Variants in GPATCH8 observed in about 807,000 individuals in gnomAD.
GPATCH8 encodes G-patch domain containing 8, also known as G patch domain-containing protein 8.
In GPATCH8, 18 loss-of-function variants were observed where a neutral mutation model predicts 118.3. The ratio of observed to expected loss-of-function variants is 0.15; its 90% CI spans 0.11 to 0.23. GPATCH8 has a LOEUF of 0.23. Among genes scored for constraint, GPATCH8 ranks in the 10% least tolerant of loss-of-function variants. The pLI is 1.00. For missense variants in GPATCH8, 1,631 were observed against 1,873.8 expected (o/e 0.87, Z 2.39); for synonymous variants, 659 against 684.7 (o/e 0.96, Z 0.59).
intron 3 of GPATCH8, among the ~76,000 whole-genome samples, chr17:44,446,871 G>T (rs532362954): frequency 5.9e-4 from 89 of 151,656 alleles, no homozygotes; most frequent in African/African-American, 2.2e-3. Context: ...GTCTCACTCT[G>T]TCACCCAGGC....
At chr17:44,481,131 G>A (rs1397778173) in intron 1 of GPATCH8, among the ~76,000 whole-genome samples, 1 of 152,140 alleles carries the variant, frequency 6.6e-6, no homozygotes. Flanking sequence ...GACTGGTCTC[G>A]AACTCTTGGG....
chr17:44,422,258 T>C (rs1382171793), intron 6 of GPATCH8, among the ~76,000 whole-genome samples: 1 of 152,174 alleles, frequency 6.6e-6, no homozygotes, highest in Non-Finnish European at 1.5e-5. Flanking sequence ...CATGGCTCAC[T>C]GCAACCTCAA....
intron 3 of GPATCH8, among the ~76,000 whole-genome samples, chr17:44,462,171 G>T (rs952067272): frequency 6.6e-5 from 10 of 152,052 alleles, no homozygotes; most frequent in Non-Finnish European, 1.2e-4. Context: ...AAAATTCTGG[G>T]ATTCAAACAG....
chr17:44,426,848 A>ACTCTCTCT (rs71361571), intron 5 of GPATCH8, among the ~76,000 whole-genome samples: 5 of 35,468 alleles, frequency 1.4e-4, no homozygotes, highest in East Asian at 7.1e-4. Context: ...ACACACACAC[A>ACTCTCTCT]CTCTCTCTCT....
intron 3 of GPATCH8, among the ~76,000 whole-genome samples, chr17:44,461,218 G>GT (rs1007655204): frequency 3.3e-5 from 5 of 152,172 alleles, no homozygotes; most frequent in Admixed American, 1.3e-4. Context: ...GTCTTGCTCT[G>GT]TCACCCAGGC....
intron 5 of GPATCH8, among the ~76,000 whole-genome samples, chr17:44,426,747 T>A (rs1181666889): frequency 6.6e-6 from 1 of 152,052 alleles, no homozygotes; most frequent in Non-Finnish European, 1.5e-5. Context: ...GTAGTAAAGT[T>A]ATTGAATCTT....
chr17:44,416,710 T>C (rs2049699604), intron 6 of GPATCH8, among the ~76,000 whole-genome samples: 1 of 152,190 alleles, frequency 6.6e-6, no homozygotes. Flanking sequence ...TAAGAATAAG[T>C]AATCCTGTCA....
chr17:44,425,368 CTACT>C (rs1314484034), intron 5 of GPATCH8, among the ~76,000 whole-genome samples: 3 of 152,180 alleles, frequency 2.0e-5, no homozygotes, highest in African/African-American at 7.2e-5. Flanking sequence ...CCCATAAGAG[CTACT>C]TAATCAGTAA....
chr17:44,400,326 G>A lies in GPATCH8; in HGVS notation c.1751C>T (p.Ala584Val). The A allele has an allele frequency of 6.2e-7, 1 of 1,613,998 alleles. No individual in the cohort carries two copies. The highest frequency in any genetic ancestry group is 8.5e-7 in the Non-Finnish European group (1 of 1,179,896). ...FDFKLSRNKD[A>V]RTKGTEKPKD... ...TGGTTTTTCTGTTCCTTTAGTTCTG[G>A]CATCTTTGTTCCTTGAAAGTTTAAA... Residue 584 changes from alanine (A) to valine (V), a missense_variant, in exon 8 of 8, where the codon GCC (alanine) becomes GTC (valine). Physicochemically the swap from Ala to Val is moderately conservative, Grantham distance 64. Around this residue, in one of 8 missense-constraint regions of GPATCH8, gnomAD observed 405 missense variants for 462.7 expected, o/e 0.88. Transcript: ENST00000591680.
intron 2 of GPATCH8, among the ~76,000 whole-genome samples, chr17:44,469,186 C>T (rs139712350): frequency 3.9e-4 from 60 of 152,192 alleles, no homozygotes; most frequent in African/African-American, 1.3e-3. Context: ...AATTTTTAAG[C>T]GGGAAGATCT....
intron 3 of GPATCH8, among the ~76,000 whole-genome samples, chr17:44,453,116 G>A (rs1228248634): frequency 6.6e-6 from 1 of 152,162 alleles, no homozygotes; most frequent in Non-Finnish European, 1.5e-5. Context: ...ACAGGCGTGA[G>A]CCACCACACC....
chr17:44,471,376 T>C (rs1174618895), intron 2 of GPATCH8, among the ~76,000 whole-genome samples: 1 of 152,204 alleles, frequency 6.6e-6, no homozygotes, highest in African/African-American at 2.4e-5. Context: ...GCATCAAATT[T>C]AGCCTACTAC....
chr17:44,411,970 T>C lies in GPATCH8; in HGVS notation c.493-5919A>G, dbSNP rs1374199698. 2.0e-5 allele frequency among the ~76,000 whole-genome samples: 3 copies of C among 152,174 alleles called. No homozygotes were observed. The South Asian group carries it at 6.2e-4, about 32-fold the overall frequency. ...GGAGTTTCACTCTTGTTGCCCAGGC[T>C]GGAGTACAATGGCGCAATCTCAGCT... is the stretch of plus-strand genomic sequence containing the variant. On this transcript the variant is annotated intron_variant, in intron 6 of 7. Coordinates refer to ENST00000591680, the MANE Select transcript of GPATCH8 (RefSeq NM_001002909.4).
chr17:44,440,229 A>T (rs758169889), intron 3 of GPATCH8, among the ~76,000 whole-genome samples: 3 of 152,214 alleles, frequency 2.0e-5, no homozygotes, highest in Non-Finnish European at 4.4e-5. Flanking sequence ...CAGAACACTA[A>T]ATAATCTCCT....
chr17:44,449,877 A>G (rs865919794), intron 3 of GPATCH8, among the ~76,000 whole-genome samples: 13 of 152,228 alleles, frequency 8.5e-5, no homozygotes, highest in South Asian at 2.1e-4. Context: ...TAATAATGGA[A>G]AAAGCACTGG....
intron 3 of GPATCH8, among the ~76,000 whole-genome samples, chr17:44,453,255 T>C (rs2051184305): frequency 6.6e-6 from 1 of 152,144 alleles, no homozygotes. Flanking sequence ...GCATGAGCTT[T>C]GGAGGCAGAA....
rs773697550 is a variant in GPATCH8, at chr17:44,398,676, T to C, written c.3401A>G (p.Lys1134Arg). ...KDPPQGYFGP[K>R]LPPSLGNKPV... ...CTTATTGCCAAGAGATGGGGGGAGC[T>C]TGGGCCCAAAGTAACCTTGTGGGGG... is the stretch of plus-strand genomic sequence containing the variant. Residue 1134 changes from lysine (K) to arginine (R), a missense_variant, in exon 8 of 8, where the codon AAG (lysine) becomes AGG (arginine). By Grantham distance (26) the Lys-to-Arg change is conservative (BLOSUM62 2). Around this residue, in one of 8 missense-constraint regions of GPATCH8, gnomAD observed 922 missense variants for 879.7 expected, o/e 1.05. Transcript: ENST00000591680. The C allele has an allele frequency of 1.9e-5, 30 of 1,573,936 alleles. No homozygotes were observed. Among genetic ancestry groups the C allele is most frequent in the Non-Finnish European group, 2.4e-5 (28 of 1,159,590 alleles).
chr17:44,431,308 A>G (rs992274397), intron 5 of GPATCH8, among the ~76,000 whole-genome samples: 2 of 147,918 alleles, frequency 1.4e-5, no homozygotes, highest in Non-Finnish European at 3.0e-5. Context: ...CAGGAGGCAA[A>G]GGTTGCAGTG....
In GPATCH8 at chr17:44,437,960, CA is replaced by C. The variant is rs1297887480; in HGVS notation, c.194-1416del. ...TCTCATGTCAGAAAAAAAAAAAAAA[CA>C]AAACAACAACTTCTAGAATACAGCC... is the stretch of plus-strand genomic sequence containing the variant. On this transcript the variant is annotated intron_variant, in intron 3 of 7. Coordinates refer to ENST00000591680, the MANE Select transcript of GPATCH8 (RefSeq NM_001002909.4). 8.1e-5 allele frequency among the ~76,000 whole-genome samples: 4 copies of C among 49,624 alleles called. 1 individual carries two copies. Among genetic ancestry groups the C allele is most frequent in the Non-Finnish European group, 1.5e-4 (2 of 13,014 alleles). The allele number at this position is 49,624 out of a possible 152,430, so 32.6% of individuals were successfully genotyped here.
Sources: gnomAD v4.1 joint callset for allele counts (sites outside exome capture counted in the v4.1 genomes callset) on GRCh38, gnomAD v4.1.1 for gene constraint, gnomAD v4.1.1 regional missense constraint, MANE v1.5 for transcripts, NCBI Gene and HGNC (gene_info 2026-07-23, HGNC 2026-07-21) for gene names.